Variants in CBR4 observed in about 807,000 individuals in gnomAD.
The protein encoded by CBR4 is 3-oxoacyl-[acyl-carrier-protein] reductase.
In CBR4, 22 loss-of-function variants were observed where a neutral mutation model predicts 21.0. That is an observed-to-expected ratio of 1.05 (90% CI 0.75 to 1.50). CBR4 has a LOEUF of 1.50. Ranked by LOEUF, CBR4 falls within the 40% of genes most tolerant of loss-of-function variation. CBR4 has a pLI of 0.00. For missense variants in CBR4, 302 were observed against 286.3 expected, an observed-to-expected ratio of 1.05 and a Z score of -0.40; for synonymous variants, 100 against 104.4, an observed-to-expected ratio of 0.96 and a Z score of 0.26.
At position 169,009,978 on chromosome 4, in the gene CBR4, C is replaced by A; in HGVS notation, c.112G>T (p.Gly38Trp). Residue 38 changes from glycine (G) to tryptophan (W), a missense_variant, in exon 1 of 5, where the codon GGG (glycine) becomes TGG (tryptophan). Gly to Trp is a radical substitution (Grantham distance 184). Coordinates refer to ENST00000306193, the MANE Select transcript of CBR4 (RefSeq NM_032783.5). ...AGGTCACCGGCGGCGGCTTTGGCCCCTTCCAGGTTTCTGGCAATGACCGCC... is the reference window on the plus strand; with the variant it reads ...AGGTCACCGGCGGCGGCTTTGGCCCATTCCAGGTTTCTGGCAATGACCGCC... ...RLAVIARNLE[G>W]AKAAAGDLGG... is the part of the protein sequence containing the mutation. The A allele has an allele frequency of 6.2e-7, 1 of 1,613,046 alleles. No homozygotes were observed. The highest frequency in any genetic ancestry group is 8.5e-7 in the Non-Finnish European group (1 of 1,179,680).
chr4:168,997,882 C>T (rs1560987617), intron 4 of CBR4, among the ~76,000 whole-genome samples: 1 of 152,144 alleles, frequency 6.6e-6, no homozygotes, highest in Non-Finnish European at 1.5e-5. Context: ...AACAACCCAA[C>T]ACTTTTCTAA....
intron 2 of CBR4, among the ~76,000 whole-genome samples, chr4:168,909,289 T>TA (rs1424441546): frequency 6.6e-6 from 1 of 152,204 alleles, no homozygotes; most frequent in Non-Finnish European, 1.5e-5. Context: ...GCATTATGTA[T>TA]ACAAGTGGCA....
At chr4:168,929,543 C>G (rs1346462287) in intron 2 of CBR4, among the ~76,000 whole-genome samples, 1 of 152,174 alleles carries the variant, frequency 6.6e-6, no homozygotes, top group Middle Eastern at 3.2e-3. Context: ...CCTTGGCTTG[C>G]TCAGTAGCTA....
At chr4:168,966,544 A>C (rs1250644680) in intron 2 of CBR4, among the ~76,000 whole-genome samples, 1 of 151,978 alleles carries the variant, frequency 6.6e-6, no homozygotes, top group South Asian at 2.1e-4. Flanking sequence ...AAAAAAAAGA[A>C]AAAAGCCAGG....
At chr4:169,005,731 C>G in intron 3 of CBR4, 1 of 203,894 alleles carries the variant, frequency 4.9e-6, no homozygotes, top group Non-Finnish European at 8.7e-6. Context: ...AAAACGGATC[C>G]CTTAAATTTT....
chr4:168,943,982 G>C (rs1180136086), intron 2 of CBR4, among the ~76,000 whole-genome samples: 1 of 152,086 alleles, frequency 6.6e-6, no homozygotes, highest in Non-Finnish European at 1.5e-5. Flanking sequence ...GAATATGACA[G>C]AAAGTATTGA....
chr4:168,898,265 T>G, intron 2 of CBR4: 1 of 570,700 alleles, frequency 1.8e-6, no homozygotes, highest in South Asian at 2.1e-5. Flanking sequence ...TCATCTTTCC[T>G]ACCCCCCTCT....
chr4:168,899,784 G>T (rs963233380), intron 2 of CBR4, among the ~76,000 whole-genome samples: 5 of 152,060 alleles, frequency 3.3e-5, no homozygotes, highest in African/African-American at 1.2e-4. Context: ...GGGCATGGTG[G>T]TGGGCGCCTG....
At chr4:168,973,290 T>C (rs866976655) in intron 2 of CBR4, among the ~76,000 whole-genome samples, 5 of 152,352 alleles carry the variant, frequency 3.3e-5, no homozygotes, top group African/African-American at 4.8e-5. Context: ...ACTGGCTTCA[T>C]AGAATGATTT....
At chr4:168,928,698 C>T (rs1272986847) in intron 2 of CBR4, among the ~76,000 whole-genome samples, 2 of 152,136 alleles carry the variant, frequency 1.3e-5, no homozygotes, top group Non-Finnish European at 2.9e-5. Flanking sequence ...GTAGAAGAGA[C>T]GTCTCCTTTA....
In CBR4 at chr4:168,974,600, A is replaced by AT. The variant is rs573623080; in HGVS notation, n.169+27470dup. ...CCCAAATTTCTTGGAGGCTTTGTTC[A>AT]TTTTTTTTATTCTCTTTTGTCTTTG... On this transcript the variant is annotated intron_variant and non_coding_transcript_variant, in intron 2 of 3. Coordinates refer to the CBR4 transcript ENST00000509108. Among the ~76,000 whole-genome samples, 601 of 151,758 alleles carry AT rather than the reference A, an allele frequency of 4.0e-3. 3 individuals carry two copies. The highest frequency in any genetic ancestry group is 0.014 in the African/African-American group (578 of 41,408).
intron 2 of CBR4, among the ~76,000 whole-genome samples, chr4:168,977,350 G>C (rs1215570860): frequency 6.6e-6 from 1 of 152,128 alleles, no homozygotes; most frequent in Non-Finnish European, 1.5e-5. Flanking sequence ...CTAGCACTCA[G>C]CTTTCTCCTG....
At chr4:168,922,098 T>TACACACACAC (rs1351389289) in intron 2 of CBR4, among the ~76,000 whole-genome samples, 12 of 107,618 alleles carry the variant, frequency 1.1e-4, no homozygotes, top group African/African-American at 3.4e-4. Flanking sequence ...TATATATATA[T>TACACACACAC]ATATACACAC....
At chr4:168,968,608 G>A (rs1479909339) in intron 2 of CBR4, among the ~76,000 whole-genome samples, 1 of 152,182 alleles carries the variant, frequency 6.6e-6, no homozygotes, top group Non-Finnish European at 1.5e-5. Context: ...TGGTATAGCA[G>A]CTGTGGCCAG....
At chr4:168,994,004 T>C (rs763999785) in intron 4 of CBR4, among the ~76,000 whole-genome samples, 55 of 152,104 alleles carry the variant, frequency 3.6e-4, no homozygotes, top group Non-Finnish European at 7.1e-4. Flanking sequence ...ACGGAGACCT[T>C]AACACAGCAG....
chr4:169,005,358 C>G (rs931367477), intron 3 of CBR4: 1 of 152,128 alleles, frequency 6.6e-6, no homozygotes, highest in Non-Finnish European at 1.5e-5. Flanking sequence ...GAAAAAAAAA[C>G]ACAAGCTGCT....
chr4:169,000,267 GTT>G (rs750683749), intron 4 of CBR4, among the ~76,000 whole-genome samples: 26 of 151,866 alleles, frequency 1.7e-4, no homozygotes, highest in Non-Finnish European at 2.6e-4. Flanking sequence ...CTTCTGGATT[GTT>G]TTTTCTTTTT....
chr4:168,937,420 C>G (rs2126670103), intron 2 of CBR4, among the ~76,000 whole-genome samples: 1 of 152,166 alleles, frequency 6.6e-6, no homozygotes, highest in South Asian at 2.1e-4. Context: ...GCAAAATAAC[C>G]AGCTAGCATC....
At chr4:168,948,449 G>A (rs1763452937) in intron 2 of CBR4, among the ~76,000 whole-genome samples, 1 of 152,188 alleles carries the variant, frequency 6.6e-6, no homozygotes, top group African/African-American at 2.4e-5. Flanking sequence ...CTAAGCCAAT[G>A]TCTAGAAGGG....
Sources: gnomAD v4.1 joint callset for allele counts (sites outside exome capture counted in the v4.1 genomes callset) on GRCh38, gnomAD v4.1.1 for gene constraint, MANE v1.5 for transcripts, NCBI Gene and HGNC (gene_info 2026-07-23, HGNC 2026-07-21) for gene names.